Variants in MRPS35 observed in about 807,000 individuals in gnomAD.
The protein encoded by MRPS35 is mitochondrial ribosomal protein S35.
In MRPS35, 29 loss-of-function variants were observed where a neutral mutation model predicts 32.7. The ratio of observed to expected loss-of-function variants is 0.89; its 90% CI spans 0.66 to 1.21. MRPS35 has a LOEUF of 1.21. Among genes scored for constraint, MRPS35 ranks in the 50% most tolerant of loss-of-function variants. MRPS35 has a pLI of 0.00. For missense variants in MRPS35, 373 were observed against 383.8 expected, an observed-to-expected ratio of 0.97 and a Z score of 0.23; for synonymous variants, 148 against 139.3, an observed-to-expected ratio of 1.06 and a Z score of -0.44.
Position 27,737,590 on chromosome 12 carries a change from G to A in MRPS35, c.684G>A (p.Val228=). 1 of 1,610,114 alleles carries A rather than the reference G, an allele frequency of 6.2e-7. No individual in the cohort carries two copies. The highest frequency in any genetic ancestry group is 1.7e-4 in the Middle Eastern group (1 of 6,040). ...NYDYAVYLLT[V]LYHESWNTEE... Reference sequence around the variant, plus strand: ...ATTATGCAGTGTATCTACTAACAGTGTTATACCATGAGTCTTGGGTAAGTG... The same window carrying A: ...ATTATGCAGTGTATCTACTAACAGTATTATACCATGAGTCTTGGGTAAGTG... The change falls in exon 7 of 8, where the codon GTG becomes GTA. Residue 228 remains valine (V), a synonymous_variant. Transcript: ENST00000081029.
chr12:27,743,168 A>T (rs2061970329), intron 7 of MRPS35, among the ~76,000 whole-genome samples: 1 of 151,656 alleles, frequency 6.6e-6, no homozygotes, highest in Admixed American at 6.6e-5. Context: ...GCCCCCTCTC[A>T]CTGTTTCACT....
chr12:27,731,076 A>G (rs2061920385), intron 5 of MRPS35, among the ~76,000 whole-genome samples: 1 of 152,200 alleles, frequency 6.6e-6, no homozygotes, highest in Admixed American at 6.5e-5. Flanking sequence ...GTCATAATCC[A>G]ATAAAACATT....
At chr12:27,717,185 C>T (rs901385077) in intron 3 of MRPS35, among the ~76,000 whole-genome samples, 1 of 152,020 alleles carries the variant, frequency 6.6e-6, no homozygotes, top group African/African-American at 2.4e-5. Flanking sequence ...CCCAGCCTAT[C>T]ATATCTTTTC....
chr12:27,718,666 T>G (rs770180321), intron 3 of MRPS35, among the ~76,000 whole-genome samples: 43 of 152,250 alleles, frequency 2.8e-4, no homozygotes, highest in Non-Finnish European at 5.9e-4. Flanking sequence ...AATATATTCC[T>G]AACTTCATTA....
chr12:27,730,173 C>T (rs1431425500), intron 5 of MRPS35, among the ~76,000 whole-genome samples: 2 of 152,090 alleles, frequency 1.3e-5, no homozygotes, highest in Non-Finnish European at 2.9e-5. Context: ...CTACTTTGTT[C>T]AGATTATCTT....
chr12:27,710,835 C>G lies in MRPS35; in HGVS notation c.-9C>G. The G allele has an allele frequency of 1.2e-6, 2 of 1,602,062 alleles. No individual in the cohort carries two copies. The highest frequency in any genetic ancestry group is 1.7e-6 in the Non-Finnish European group (2 of 1,178,244). The stretch of plus-strand genomic sequence containing the variant: ...CGCTTGTCCCCTCCGGCTTGCCGTC[C>G]TCGCAGCCATGGCGGCCGCCGCGCT... On this transcript the variant is annotated 5_prime_UTR_variant, in exon 1 of 8. Coordinates refer to ENST00000081029, the MANE Select transcript of MRPS35 (RefSeq NM_021821.4).
At chr12:27,725,048 C>G (rs1593467216) in intron 5 of MRPS35, among the ~76,000 whole-genome samples, 1 of 152,150 alleles carries the variant, frequency 6.6e-6, no homozygotes, top group East Asian at 1.9e-4. Context: ...TCCAAAGTGG[C>G]TGGGACTACA....
At chr12:27,733,873 C>T (rs905409601) in intron 5 of MRPS35, among the ~76,000 whole-genome samples, 1 of 152,188 alleles carries the variant, frequency 6.6e-6, no homozygotes, top group Non-Finnish European at 1.5e-5. Flanking sequence ...TACAAAAATT[C>T]ACAGTGCTTT....
chr12:27,720,761 A>C (rs2061870756), intron 4 of MRPS35, among the ~76,000 whole-genome samples: 1 of 151,164 alleles, frequency 6.6e-6, no homozygotes, highest in Non-Finnish European at 1.5e-5. Flanking sequence ...TTGATTTTGA[A>C]AACCTATTGA....
In MRPS35 at chr12:27,710,867, A is replaced by G. The variant is rs145145333; in HGVS notation, c.24A>G (p.Ala8=). 90 of 1,610,056 alleles carry G rather than the reference A, an allele frequency of 5.6e-5. No individual in the cohort carries two copies. Among genetic ancestry groups the G allele is most frequent in the Non-Finnish European group, 6.5e-5 (77 of 1,179,790 alleles). ...CCATGGCGGCCGCCGCGCTCCCAGCATGGCTGTCTCTGCAGTCGAGGGCAA... is the reference window on the plus strand; with the variant it reads ...CCATGGCGGCCGCCGCGCTCCCAGCGTGGCTGTCTCTGCAGTCGAGGGCAA... The part of the protein sequence containing the change: MAAAALP[A]WLSLQSRART... The change falls in exon 1 of 8, where the codon GCA becomes GCG. Residue 8 remains alanine (A), a synonymous_variant. Coordinates refer to ENST00000081029, the MANE Select transcript of MRPS35 (RefSeq NM_021821.4).
intron 7 of MRPS35, among the ~76,000 whole-genome samples, chr12:27,744,790 A>G (rs1360589010): frequency 1.3e-5 from 2 of 152,170 alleles, no homozygotes; most frequent in Admixed American, 6.5e-5. Context: ...TTTCAGACAA[A>G]TACATCTGGC....
chr12:27,714,712 T>C, intron 1 of MRPS35, 68 bp from the exon 2 acceptor site: 1 of 1,132,918 alleles, frequency 8.8e-7, no homozygotes, highest in Non-Finnish European at 1.3e-6. Flanking sequence ...GGGATCATGA[T>C]TGATGTTGAA....
At position 27,735,461 on chromosome 12, in the gene MRPS35, T is replaced by G. The variant is rs1157245310; in HGVS notation, c.537T>G (p.Ser179Arg). The part of the protein sequence containing the change: ...RVVVLRVKLS[S>R]LNLDDHAKKK... ...TTATTTTTAAGGTAAAGCTTTCCAGTTTGAATTTAGATGATCACGCAAAGA... is the reference window on the plus strand; with the variant it reads ...TTATTTTTAAGGTAAAGCTTTCCAGGTTGAATTTAGATGATCACGCAAAGA... Residue 179 changes from serine to arginine, a missense_variant, in exon 6 of 8, where the codon AGT (serine) becomes AGG (arginine). Transcript: ENST00000081029. 4 of 1,606,212 alleles carry G rather than the reference T, an allele frequency of 2.5e-6. No individual in the cohort carries two copies. The highest frequency in any genetic ancestry group is 3.4e-6 in the Non-Finnish European group (4 of 1,177,052).
chr12:27,714,008 G>A (rs1002163602), intron 1 of MRPS35, among the ~76,000 whole-genome samples: 3 of 149,954 alleles, frequency 2.0e-5, no homozygotes, highest in Non-Finnish European at 3.0e-5. Context: ...CTGGTAGTTC[G>A]AGGCTGCAGT....
intron 7 of MRPS35, among the ~76,000 whole-genome samples, chr12:27,752,440 G>A (rs1365738894): frequency 6.6e-6 from 1 of 152,200 alleles, no homozygotes; most frequent in Non-Finnish European, 1.5e-5. Flanking sequence ...TTTTGAAGCC[G>A]TTAAGAAAAT....
At chr12:27,742,511 G>A (rs1374355252) in intron 7 of MRPS35, among the ~76,000 whole-genome samples, 4 of 152,306 alleles carry the variant, frequency 2.6e-5, no homozygotes, top group East Asian at 1.9e-4. Context: ...CCCTGAAAAC[G>A]TCACAGGAAT....
chr12:27,735,662 G>A (rs1264972262), intron 6 of MRPS35, 106 bp downstream of exon 6: 10 of 790,788 alleles, frequency 1.3e-5, no homozygotes, highest in East Asian at 5.3e-5. Flanking sequence ...GGGGGAGGGC[G>A]TAGCCTTTTC....
At chr12:27,737,974 A>G (rs755074668) in intron 7 of MRPS35, among the ~76,000 whole-genome samples, 5 of 152,228 alleles carry the variant, frequency 3.3e-5, no homozygotes, top group Non-Finnish European at 7.3e-5. Context: ...CTGCAGAGCA[A>G]AACTTTATAG....
intron 1 of MRPS35, among the ~76,000 whole-genome samples, chr12:27,712,562 G>A (rs2061832456): frequency 6.6e-6 from 1 of 152,190 alleles, no homozygotes; most frequent in Non-Finnish European, 1.5e-5. Flanking sequence ...TTGTATTTGC[G>A]ATATATTTTG....
Sources: allele counts gnomAD v4.1 joint callset (sites outside exome capture counted in the v4.1 genomes callset), GRCh38; gene constraint gnomAD v4.1.1; transcripts MANE v1.5; gene names NCBI Gene and HGNC (gene_info 2026-07-23, HGNC 2026-07-21).